The following NCOA1 variants were observed in gnomAD, a reference collection of about 807,000 sequenced individuals.
NCOA1 encodes nuclear receptor coactivator 1.
NCOA1 carries 35 observed loss-of-function variants against 150.9 expected under a neutral mutation model. The observed-to-expected ratio is 0.23, with a 90% CI of 0.18 to 0.31. NCOA1 has a LOEUF of 0.31. NCOA1 is among the 10% of genes least tolerant of loss of function. The probability of loss-of-function intolerance (pLI) is 1.00; values close to 1 mark genes in which losing one functional copy is unlikely to be tolerated. For missense variants in NCOA1, 1,491 were observed against 1,749.3 expected (o/e 0.85, Z 2.63); for synonymous variants, 590 against 630.0 (o/e 0.94, Z 0.95).
At chr2:24,704,802 A>G (rs570333786) in intron 11 of NCOA1, among the ~76,000 whole-genome samples, 1 of 151,874 alleles carries the variant, frequency 6.6e-6, no homozygotes, top group Non-Finnish European at 1.5e-5. Context: ...ACTAAAGTTG[A>G]TGTTTCCCAG....
At chr2:24,504,176 A>G (rs1423973208) in intron 1 of NCOA1, among the ~76,000 whole-genome samples, 1 of 152,248 alleles carries the variant, frequency 6.6e-6, no homozygotes, top group South Asian at 2.1e-4. Context: ...GGAGCCTAGT[A>G]TGATCTGGGT....
chr2:24,620,076 T>C lies in NCOA1; in HGVS notation c.-174-23890T>C, dbSNP rs1204867395. Among the ~76,000 whole-genome samples the C allele has an allele frequency of 5.9e-5, 9 of 152,292 alleles. No individual in the cohort carries two copies. In the South Asian group the frequency reaches 1.9e-3, roughly 32 times the overall value. ...CCTCATACTTACTGTACAGAATTCTTTCCAGTTTTTCTGGGTAAAATTCTT... is the reference window on the plus strand; with the variant it reads ...CCTCATACTTACTGTACAGAATTCTCTCCAGTTTTTCTGGGTAAAATTCTT... On this transcript the variant is annotated intron_variant, in intron 3 of 22. Transcript: ENST00000348332.
At chr2:24,514,993 G>A (rs1192265862) in intron 1 of NCOA1, among the ~76,000 whole-genome samples, 1 of 152,152 alleles carries the variant, frequency 6.6e-6, no homozygotes, top group Admixed American at 6.5e-5. Flanking sequence ...GCAAGTGTGT[G>A]AGCCAGAAGA....
chr2:24,652,005 TATA>T (rs1011811843), intron 4 of NCOA1, among the ~76,000 whole-genome samples: 3 of 152,108 alleles, frequency 2.0e-5, no homozygotes, highest in South Asian at 2.1e-4. Context: ...AGAGTTACTG[TATA>T]ACCTAACAGT....
At chr2:24,576,691 G>A (rs190035558) in intron 2 of NCOA1, among the ~76,000 whole-genome samples, 52 of 152,136 alleles carry the variant, frequency 3.4e-4, no homozygotes, top group African/African-American at 1.1e-3. Flanking sequence ...TAAGATGTGG[G>A]CCTAAGTTAA....
chr2:24,697,578 A>G, intron 10 of NCOA1, 80 bp from the exon 11 acceptor site: 1 of 1,225,084 alleles, frequency 8.2e-7, no homozygotes, highest in South Asian at 1.5e-5. Flanking sequence ...AATATTTCTT[A>G]GATGCAGTTG....
intron 6 of NCOA1, 73 bp downstream of exon 6, chr2:24,665,988 ATTATTATTATTATTATTATT>A (rs1264026424): frequency 3.3e-6 from 2 of 602,602 alleles, no homozygotes; most frequent in Non-Finnish European, 2.1e-6. Flanking sequence ...ATTTTACTTT[ATTATTATTATTATTATTATT>A]TTATTATTAT....
intron 1 of NCOA1, among the ~76,000 whole-genome samples, chr2:24,557,036 T>G (rs1250874842): frequency 6.7e-6 from 1 of 149,954 alleles, no homozygotes; most frequent in Non-Finnish European, 1.5e-5. Flanking sequence ...ATCCTGTATG[T>G]ATTGTAGGAT....
At chr2:24,719,016 G>A (rs1674213712) in intron 14 of NCOA1, among the ~76,000 whole-genome samples, 2 of 106,386 alleles carry the variant, frequency 1.9e-5, no homozygotes, top group South Asian at 3.4e-4. Context: ...ACTACAAAGT[G>A]AGACTCTGTC....
intron 10 of NCOA1, among the ~76,000 whole-genome samples, chr2:24,693,641 A>G (rs1302238737): frequency 6.6e-6 from 1 of 152,228 alleles, no homozygotes; most frequent in Admixed American, 6.5e-5. Context: ...TTGAGAAGAT[A>G]TAGATATGTA....
chr2:24,703,719 C>A (rs937302247), intron 11 of NCOA1, among the ~76,000 whole-genome samples: 3 of 152,056 alleles, frequency 2.0e-5, no homozygotes, highest in African/African-American at 7.2e-5. Flanking sequence ...TCAGTTGGTA[C>A]TGTATACACA....
At chr2:24,648,557 A>AACT (rs1670577744) in intron 4 of NCOA1, among the ~76,000 whole-genome samples, 2 of 152,096 alleles carry the variant, frequency 1.3e-5, no homozygotes, top group South Asian at 4.2e-4. Flanking sequence ...AGGCGTGAGC[A>AACT]ACTGCACCCA....
intron 3 of NCOA1, among the ~76,000 whole-genome samples, chr2:24,607,689 TAA>T (rs1021306678): frequency 2.8e-5 from 4 of 141,640 alleles, no homozygotes; most frequent in African/African-American, 2.6e-5. Flanking sequence ...GACTCTTGTC[TAA>T]AAAAAAAAAA....
chr2:24,501,889 C>T (rs1177779689), intron 1 of NCOA1, among the ~76,000 whole-genome samples: 6 of 152,186 alleles, frequency 3.9e-5, no homozygotes, highest in African/African-American at 1.4e-4. Flanking sequence ...AGTAACTCTA[C>T]TCATCCAGTT....
Position 24,680,320 on chromosome 2 carries a change from C to CATTT in NCOA1, c.355-2629_355-2628insTTAT, listed in dbSNP as rs1558898588. ...GATATCTCATCGTGGTTTTAATTTG[C>CATTT]ATCAACCTAAGTGTCCAAAAATGGA... On this transcript the variant is annotated intron_variant, in intron 7 of 22. Coordinates refer to ENST00000348332, the MANE Select transcript of NCOA1 (RefSeq NM_003743.5). 9.0e-3 allele frequency among the ~76,000 whole-genome samples: 1,377 copies of CATTT among 152,294 alleles called. 28 individuals are homozygous for CATTT. The highest frequency in any genetic ancestry group is 0.032 in the African/African-American group (1,309 of 41,550).
chr2:24,716,478 A>G (rs1168374226), intron 14 of NCOA1, among the ~76,000 whole-genome samples: 1 of 152,214 alleles, frequency 6.6e-6, no homozygotes, highest in Admixed American at 6.5e-5. Flanking sequence ...ACATGGTGAT[A>G]TAACAACTGA....
chr2:24,759,620 A>G (rs1664674816), intron 21 of NCOA1, among the ~76,000 whole-genome samples: 1 of 152,232 alleles, frequency 6.6e-6, no homozygotes, highest in Admixed American at 6.5e-5. Context: ...AGTATGCTAT[A>G]GTAACTAGGC....
intron 13 of NCOA1, among the ~76,000 whole-genome samples, chr2:24,710,233 AT>A (rs754995767): frequency 2.0e-5 from 3 of 151,986 alleles, no homozygotes; most frequent in Non-Finnish European, 4.4e-5. Context: ...AGCTGGAGTT[AT>A]AGGCACGTGC....
intron 2 of NCOA1, among the ~76,000 whole-genome samples, chr2:24,579,598 T>C (rs1237482945): frequency 6.6e-6 from 1 of 152,286 alleles, no homozygotes; most frequent in East Asian, 1.9e-4. Context: ...AGTGAGCCTA[T>C]AAGTCTGAAT....
Sources: gnomAD v4.1 joint callset for allele counts (sites outside exome capture counted in the v4.1 genomes callset) on GRCh38, gnomAD v4.1.1 for gene constraint, MANE v1.5 for transcripts, NCBI Gene and HGNC (gene_info 2026-07-23, HGNC 2026-07-21) for gene names.